SAMD4A: variants seen among roughly 807,000 people sequenced by gnomAD.
SAMD4A encodes the protein protein Smaug homolog 1.
A neutral mutation model predicts 81.3 loss-of-function variants in SAMD4A; 33 were observed. The ratio of observed to expected loss-of-function variants is 0.41; its 90% CI spans 0.31 to 0.54. The LOEUF (loss-of-function observed/expected upper bound fraction) is 0.54. Among genes scored for constraint, SAMD4A ranks in the 20% least tolerant of loss-of-function variants. The pLI is 0.37. For synonymous variants in SAMD4A, 389 were observed against 382.1 expected (o/e 1.02, Z -0.21); for missense variants, 854 against 951.1 (o/e 0.90, Z 1.34).
At position 54,567,838 on chromosome 14, in the gene SAMD4A, G is replaced by T; in HGVS notation, c.-79G>T. ...AACGCGTCTCCGGCCGCGGGGCTGC[G>T]GCTCCGCCAAACTTTGGGGCGGGCG... On this transcript the variant is annotated 5_prime_UTR_variant, in exon 2 of 13. Coordinates refer to ENST00000554335, the MANE Select transcript of SAMD4A (RefSeq NM_015589.6). 1 of 1,497,720 alleles carries T rather than the reference G, an allele frequency of 6.7e-7. No homozygotes were observed. The highest frequency in any genetic ancestry group is 1.4e-5 in the African/African-American group (1 of 69,834). The allele number at this position is 1,497,720 out of a possible 1,614,324, so 92.8% of individuals were successfully genotyped here. A position where few individuals can be genotyped will look rare whatever the true frequency, so the allele number is the denominator to read the frequency against.
chr14:54,661,249 T>C (rs1187786494), intron 2 of SAMD4A, among the ~76,000 whole-genome samples: 2 of 152,268 alleles, frequency 1.3e-5, no homozygotes, highest in Non-Finnish European at 1.5e-5. Context: ...GATATAACTT[T>C]ACTTACCTTG....
chr14:54,654,051 G>A (rs1217452019), intron 2 of SAMD4A, among the ~76,000 whole-genome samples: 1 of 152,198 alleles, frequency 6.6e-6, no homozygotes, highest in Non-Finnish European at 1.5e-5. Flanking sequence ...GGAGTACAAT[G>A]GTAGGAGTCT....
At chr14:54,691,119 C>T (rs961436938) in intron 2 of SAMD4A, among the ~76,000 whole-genome samples, 8 of 152,192 alleles carry the variant, frequency 5.3e-5, no homozygotes, top group East Asian at 1.9e-4. Context: ...TCTGCCTCTG[C>T]GTCTGCTCCT....
chr14:54,597,522 C>A (rs1485632582), intron 2 of SAMD4A, among the ~76,000 whole-genome samples: 1 of 151,432 alleles, frequency 6.6e-6, no homozygotes, highest in Non-Finnish European at 1.5e-5. Flanking sequence ...TGATCGCCCA[C>A]CTTGGCCTTC....
rs1377108928 is a variant in SAMD4A at position 54,639,576 on chromosome 14, G to A, written c.197-62486G>A. 4.6e-5 allele frequency among the ~76,000 whole-genome samples: 7 copies of A among 152,214 alleles called. No individual in the cohort carries two copies. The South Asian group carries it at 6.2e-4, about 14-fold the overall frequency. ...ACTGGCAGCCCAGGTGGCCTGTTAC[G>A]GCGGGCAGTACTTCCCTTTGCCTCC... On this transcript the variant is annotated intron_variant, in intron 2 of 12. Transcript: ENST00000554335.
chr14:54,774,837 G>GTT, intron 9 of SAMD4A, 97 bp from the exon 10 acceptor site: 1 of 783,690 alleles, frequency 1.3e-6, no homozygotes, highest in Non-Finnish European at 2.0e-6. Flanking sequence ...AAAAAAAAAT[G>GTT]AGGAGACCTC....
chr14:54,675,988 T>G, intron 2 of SAMD4A, among the ~76,000 whole-genome samples: 1 of 152,340 alleles, frequency 6.6e-6, no homozygotes, highest in South Asian at 2.1e-4. Context: ...GAGGGCTCCC[T>G]TAAATTAGCT....
intron 8 of SAMD4A, among the ~76,000 whole-genome samples, chr14:54,767,159 A>T (rs1318334892): frequency 6.6e-6 from 1 of 152,096 alleles, no homozygotes; most frequent in African/African-American, 2.4e-5. Context: ...AAGCTGTCTG[A>T]ATAATTTTCC....
chr14:54,570,311 C>T (rs905826421), intron 2 of SAMD4A, among the ~76,000 whole-genome samples: 1 of 152,108 alleles, frequency 6.6e-6, no homozygotes, highest in Admixed American at 6.6e-5. Context: ...CTCTGCATAT[C>T]CGGAAACTAG....
At chr14:54,592,359 T>C (rs1055162596) in intron 2 of SAMD4A, among the ~76,000 whole-genome samples, 5 of 152,386 alleles carry the variant, frequency 3.3e-5, no homozygotes, top group African/African-American at 1.2e-4. Flanking sequence ...ACACACATGC[T>C]ACACTTTCTT....
chr14:54,737,202 C>T lies in SAMD4A; in HGVS notation c.894C>T (p.Ala298=), dbSNP rs1326638381. The T allele has an allele frequency of 6.2e-7, 1 of 1,614,014 alleles. No individual in the cohort carries two copies. Among genetic ancestry groups the T allele is most frequent in the Non-Finnish European group, 8.5e-7 (1 of 1,180,036 alleles). The change falls in exon 4 of 13, where the codon GCC becomes GCT. Residue 298 remains alanine, a synonymous_variant. Coordinates refer to ENST00000554335, the MANE Select transcript of SAMD4A (RefSeq NM_015589.6). ...CCCTGTCTCCACAAAGCAGTGTAGC[C>T]TCTTCAGGAAGTGGTGGGAGTGAAC... ...HAPLSPQSSV[A]SSGSGGSEHL... is the part of the protein sequence containing the mutation.
intron 6 of SAMD4A, among the ~76,000 whole-genome samples, chr14:54,755,707 TG>T (rs899433789): frequency 6.6e-6 from 1 of 152,076 alleles, no homozygotes; most frequent in Admixed American, 6.5e-5. Context: ...TTGGTGTGAA[TG>T]GGTGAGGGGC....
intron 2 of SAMD4A, among the ~76,000 whole-genome samples, chr14:54,659,949 C>T (rs1001375657): frequency 7.2e-5 from 11 of 152,060 alleles, no homozygotes; most frequent in African/African-American, 1.4e-4. Flanking sequence ...AGCATGGTGG[C>T]GCATGCCTGT....
chr14:54,725,442 A>G (rs1318199806), intron 3 of SAMD4A, among the ~76,000 whole-genome samples: 2 of 152,230 alleles, frequency 1.3e-5, no homozygotes, highest in East Asian at 3.8e-4. Flanking sequence ...AGTATAGGTG[A>G]AGATTTTGAA....
At chr14:54,576,123 A>G (rs560365068) in intron 2 of SAMD4A, among the ~76,000 whole-genome samples, 1 of 143,022 alleles carries the variant, frequency 7.0e-6, no homozygotes, top group African/African-American at 2.6e-5. Context: ...TCTTCCCCCT[A>G]CTTCCCCAGA....
intron 11 of SAMD4A, 52 bp downstream of exon 11, chr14:54,776,592 A>G: frequency 6.9e-7 from 1 of 1,455,304 alleles, no homozygotes; most frequent in Non-Finnish European, 9.1e-7. Flanking sequence ...GCCAAAATAG[A>G]TGCCCTAGCA....
In SAMD4A at chr14:54,664,810, AACACAC is replaced by A. The variant is rs140875623; in HGVS notation, c.197-37217_197-37212del. Among the ~76,000 whole-genome samples the A allele has an allele frequency of 6.4e-3, 908 of 141,738 alleles. 2 individuals are homozygous for A. The highest frequency in any genetic ancestry group is 0.02 in the African/African-American group (764 of 38,742). The allele number at this position is 141,738 out of a possible 152,430, so 93.0% of individuals were successfully genotyped here. On this transcript the variant is annotated intron_variant, in intron 2 of 12. Transcript: ENST00000554335. ...TAAATATGTTTAATTATGTGAATCC[AACACAC>A]ACACACACACACACACACACACACA...
At chr14:54,687,733 G>C (rs2036313682) in intron 2 of SAMD4A, among the ~76,000 whole-genome samples, 1 of 152,128 alleles carries the variant, frequency 6.6e-6, no homozygotes, top group Admixed American at 6.5e-5. Context: ...TCTGCGCCTT[G>C]GTGTCCCCTA....
chr14:54,741,581 A>G (rs2037844290), intron 4 of SAMD4A, among the ~76,000 whole-genome samples: 1 of 152,226 alleles, frequency 6.6e-6, no homozygotes, highest in African/African-American at 2.4e-5. Flanking sequence ...TCCTGCCTGA[A>G]GCGAATCACT....
Sources: allele counts gnomAD v4.1 joint callset (sites outside exome capture counted in the v4.1 genomes callset), GRCh38; gene constraint gnomAD v4.1.1; transcripts MANE v1.5; gene names NCBI Gene and HGNC (gene_info 2026-07-23, HGNC 2026-07-21).